Variants in MANSC4 observed in about 807,000 individuals in gnomAD.
MANSC4 encodes MANSC domain containing 4, also known as MANSC domain-containing protein 4.
A neutral mutation model predicts 11.4 loss-of-function variants in MANSC4; 11 were observed. The observed-to-expected ratio is 0.97, with a 90% CI of 0.61 to 1.60. The LOEUF (loss-of-function observed/expected upper bound fraction) is 1.60, where lower values mean the gene tolerates loss of function less well. Ranked by LOEUF, MANSC4 falls within the 40% of genes most tolerant of loss-of-function variation. The pLI, the probability that MANSC4 is intolerant of heterozygous loss-of-function variation, is 0.00. For missense variants in MANSC4, 354 were observed against 404.6 expected (o/e 0.88, Z 1.07); for synonymous variants, 123 against 147.1 (o/e 0.84, Z 1.19).
Position 27,763,204 on chromosome 12 carries a change from G to C in MANSC4, c.557C>G (p.Thr186Arg), listed in dbSNP as rs2062055997. 1 of 1,551,718 alleles carries C rather than the reference G, an allele frequency of 6.4e-7. No individual in the cohort carries two copies. Among genetic ancestry groups the C allele is most frequent in the Non-Finnish European group, 8.7e-7 (1 of 1,147,008 alleles). ...TTCCTTAGAATAACTGGTACTGTTT[G>C]TGTTTACAACCAAATCTTGATGCGT... Reference protein sequence around the residue: ...STTHQDLVVNTNSTSYSKELT... With the variant: ...STTHQDLVVNRNSTSYSKELT... Residue 186 changes from threonine to arginine, a missense_variant, in exon 4 of 4, where the codon ACA becomes AGA. Physicochemically the swap from Thr to Arg is moderately conservative, Grantham distance 71 (BLOSUM62 -1). Transcript: ENST00000381273.
chr12:27,774,480 A>G (rs1431496259), intron 1 of MANSC4, among the ~76,000 whole-genome samples: 1 of 147,232 alleles, frequency 6.8e-6, no homozygotes, highest in Non-Finnish European at 1.5e-5. Flanking sequence ...TTCAAATCAT[A>G]TAGAAAAATA....
At chr12:27,766,536 C>T in intron 3 of MANSC4, 129 bp downstream of exon 3, 1 of 1,093,418 alleles carries the variant, frequency 9.1e-7, no homozygotes. Flanking sequence ...CAAAATTTTT[C>T]CCAAGTTCAC....
intron 1 of MANSC4, among the ~76,000 whole-genome samples, chr12:27,774,658 T>A (rs372794547): frequency 4.6e-5 from 7 of 152,318 alleles, no homozygotes; most frequent in Non-Finnish European, 1.0e-4. Context: ...CCTCATTCTA[T>A]AAAATCCAAT....
Position 27,762,652 on chromosome 12 carries a change from A to ATT in MANSC4, c.*84_*85dup, listed in dbSNP as rs35441719. ...AGGCATGAACCACCACGCCCAGCCT[A>ATT]TTTTTTTTTTTTAACCAAACTGCGT... On this transcript the variant is annotated 3_prime_UTR_variant, in exon 4 of 4. Transcript: ENST00000381273. The ATT allele has an allele frequency of 0.055, 58,872 of 1,078,900 alleles. 212 individuals carry two copies. The highest frequency in any genetic ancestry group is 0.062 in the Non-Finnish European group (49,845 of 797,842). 66.8% of individuals were successfully genotyped at this position (1,078,900 alleles called of 1,614,324 possible).
intron 1 of MANSC4, among the ~76,000 whole-genome samples, chr12:27,777,320 G>T (rs150011478): frequency 6.6e-6 from 1 of 152,240 alleles, no homozygotes; most frequent in African/African-American, 2.4e-5. Flanking sequence ...AGAGACAGAG[G>T]AGAGACTGAG....
rs560282193 is a variant in MANSC4 at position 27,763,018 on chromosome 12, A to G, written c.743T>C (p.Val248Ala). 1 of 1,551,748 alleles carries G rather than the reference A, an allele frequency of 6.4e-7. No individual in the cohort carries two copies. Among genetic ancestry groups the G allele is most frequent in the South Asian group, 1.2e-5 (1 of 84,068 alleles). The stretch of plus-strand genomic sequence containing the variant: ...TTTGCTACTGTTGAGTCCAGGTGGA[A>G]CAGGCATATGAGAAAGTTTTGTGTC... ...PIDTKLSHMP[V>A]PPGLNSSKQL... The change falls in exon 4 of 4, where the codon GTT (valine) becomes GCT (alanine). Residue 248 changes from valine (V) to alanine (A), a missense_variant. By Grantham distance (64) the Val-to-Ala change is moderately conservative. Coordinates refer to ENST00000381273, the MANE Select transcript of MANSC4 (RefSeq NM_001146221.5).
rs192337067 is a variant in MANSC4 at position 27,763,365 on chromosome 12, T to C, written c.396A>G (p.Gln132=). 120 of 1,549,590 alleles carry C rather than the reference T, an allele frequency of 7.7e-5. No individual in the cohort carries two copies. In the East Asian group the frequency reaches 1.6e-3, roughly 21 times the overall value. ...AACGAGTATTTAGATATGTGGGAGA[T>C]TGTTCAAAAACCAGCAAATCCGGAT... is the stretch of plus-strand genomic sequence containing the variant. The part of the protein sequence containing the change: ...GIDPDLLVFE[Q]SPTYLNTRSS... The change falls in exon 4 of 4, where the codon CAA becomes CAG. Residue 132 remains glutamine, a synonymous_variant. Transcript: ENST00000381273.
intron 1 of MANSC4, chr12:27,779,914 C>A (rs1052783137): frequency 6.6e-6 from 1 of 151,286 alleles, no homozygotes; most frequent in Non-Finnish European, 1.5e-5. Context: ...GGCGCCCGGG[C>A]CCGCAGCTTC....
chr12:27,779,771 T>C (rs2140808086), intron 1 of MANSC4: 1 of 152,302 alleles, frequency 6.6e-6, no homozygotes, highest in East Asian at 1.9e-4. Flanking sequence ...AGAAAACGAA[T>C]TTCTTCTCCC....
intron 1 of MANSC4, among the ~76,000 whole-genome samples, chr12:27,777,030 T>G (rs553759893): frequency 3.5e-4 from 54 of 152,342 alleles, no homozygotes; most frequent in African/African-American, 1.2e-3. Flanking sequence ...TAAAATGATT[T>G]GATCATTTAA....
Position 27,762,852 on chromosome 12 carries a change from G to A in MANSC4, c.909C>T (p.Val303=), listed in dbSNP as rs1449081553. The A allele has an allele frequency of 1.3e-6, 2 of 1,551,946 alleles. No individual in the cohort carries two copies. Among genetic ancestry groups the A allele is most frequent in the South Asian group, 1.2e-5 (1 of 84,056 alleles). ...TTCCACAGCATCCAGATGCCAGGATGACTATACAACAGCCGAGAAAGATGA... is the reference window on the plus strand; with the variant it reads ...TTCCACAGCATCCAGATGCCAGGATAACTATACAACAGCCGAGAAAGATGA... ...TSVIFLGCCI[V]ILASGCCGKQ... Residue 303 remains valine, a synonymous_variant, in exon 4 of 4, where the codon GTC becomes GTT. Coordinates refer to ENST00000381273, the MANE Select transcript of MANSC4 (RefSeq NM_001146221.5).
At chr12:27,774,759 C>T (rs1189404143) in intron 1 of MANSC4, among the ~76,000 whole-genome samples, 2 of 152,164 alleles carry the variant, frequency 1.3e-5, no homozygotes, top group South Asian at 2.1e-4. Context: ...CACGGTGGCT[C>T]ACGCCTGTAA....
intron 3 of MANSC4, among the ~76,000 whole-genome samples, chr12:27,764,665 A>G (rs181063872): frequency 7.2e-5 from 11 of 152,220 alleles, no homozygotes; most frequent in Non-Finnish European, 2.9e-5. Flanking sequence ...AACCCATATC[A>G]GTATGTTTTC....
chr12:27,776,996 C>G (rs1284993602), intron 1 of MANSC4, among the ~76,000 whole-genome samples: 1 of 152,060 alleles, frequency 6.6e-6, no homozygotes, highest in Non-Finnish European at 1.5e-5. Context: ...TCTAGCTTAA[C>G]AGAAAACTTA....
intron 2 of MANSC4, among the ~76,000 whole-genome samples, chr12:27,767,976 G>A (rs1003543135): frequency 1.3e-5 from 2 of 152,218 alleles, no homozygotes; most frequent in African/African-American, 4.8e-5. Flanking sequence ...CCAAGGGAAA[G>A]CCTAATCAGT....
chr12:27,775,155 ATCTC>A (rs1360734466), intron 1 of MANSC4, among the ~76,000 whole-genome samples: 1 of 152,194 alleles, frequency 6.6e-6, no homozygotes, highest in Non-Finnish European at 1.5e-5. Flanking sequence ...TTTGGTTATT[ATCTC>A]TCTCCTGATT....
intron 2 of MANSC4, among the ~76,000 whole-genome samples, chr12:27,768,736 C>T (rs2062086258): frequency 6.6e-6 from 1 of 151,140 alleles, no homozygotes; most frequent in Non-Finnish European, 1.5e-5. Flanking sequence ...AAGCGATTCT[C>T]CTGCCTTACT....
chr12:27,768,402 C>CAAAAAAAAAAAAAAAAAA (rs201953091), intron 2 of MANSC4, among the ~76,000 whole-genome samples: 4 of 109,684 alleles, frequency 3.6e-5, no homozygotes, highest in East Asian at 2.5e-4. Flanking sequence ...GACTCTGTCT[C>CAAAAAAAAAAAAAAAAAA]AAAAAAAAAA....
intron 1 of MANSC4, among the ~76,000 whole-genome samples, chr12:27,774,013 T>G (rs910870306): frequency 6.6e-6 from 1 of 152,044 alleles, no homozygotes; most frequent in Non-Finnish European, 1.5e-5. Context: ...CTGGGTGTGG[T>G]GGCACACGGC....
Sources: gnomAD v4.1 joint callset for allele counts (sites outside exome capture counted in the v4.1 genomes callset) on GRCh38, gnomAD v4.1.1 for gene constraint, MANE v1.5 for transcripts, NCBI Gene and HGNC (gene_info 2026-07-23, HGNC 2026-07-21) for gene names.